Variants in ACOXL observed in about 807,000 individuals in gnomAD.
ACOXL encodes acyl-CoA oxidase like, also known as acyl-coenzyme A oxidase-like protein.
Under a neutral mutation model 71.9 loss-of-function variants are expected in ACOXL, and 70 were observed. The ratio of observed to expected loss-of-function variants is 0.97; its 90% CI spans 0.80 to 1.19. ACOXL has a LOEUF of 1.19. Ranked by LOEUF, ACOXL falls within the 50% of genes most tolerant of loss-of-function variation. ACOXL has a pLI of 0.00. For synonymous variants in ACOXL, 253 were observed against 281.6 expected (o/e 0.90, Z 1.02); for missense variants, 703 against 736.3 (o/e 0.95, Z 0.52).
chr2:110,940,646 T>G (rs1393106052), intron 12 of ACOXL, among the ~76,000 whole-genome samples: 1 of 152,224 alleles, frequency 6.6e-6, no homozygotes, highest in Admixed American at 6.5e-5. Context: ...CTGCTGCTCT[T>G]GAACTCCTCT....
chr2:110,838,776 A>C (rs955861793), intron 9 of ACOXL, among the ~76,000 whole-genome samples: 5 of 152,234 alleles, frequency 3.3e-5, no homozygotes, highest in African/African-American at 1.2e-4. Flanking sequence ...CCATGTTTCC[A>C]GAATGACTGT....
chr2:111,103,120 A>G (rs2069290735), intron 17 of ACOXL, among the ~76,000 whole-genome samples: 1 of 152,000 alleles, frequency 6.6e-6, no homozygotes, highest in African/African-American at 2.4e-5. Context: ...GTAAAACCCC[A>G]TCTCTACTGA....
intron 17 of ACOXL, chr2:111,113,086 G>T (rs61460742): frequency 6.6e-6 from 1 of 152,160 alleles, no homozygotes; most frequent in Non-Finnish European, 1.5e-5. Context: ...AGGGTCACAC[G>T]TCTGCCACAG....
chr2:110,826,235 G>C (rs1044077285), intron 9 of ACOXL, among the ~76,000 whole-genome samples: 1 of 152,120 alleles, frequency 6.6e-6, no homozygotes, highest in African/African-American at 2.4e-5. Flanking sequence ...AGCGCCCCTT[G>C]TTCACACACC....
chr2:110,853,091 C>T (rs534109356), intron 10 of ACOXL, among the ~76,000 whole-genome samples: 1 of 152,232 alleles, frequency 6.6e-6, no homozygotes, highest in Non-Finnish European at 1.5e-5. Flanking sequence ...TCCAGAGTGC[C>T]GGGCCTCGGG....
chr2:110,882,638 TC>T lies in ACOXL; in HGVS notation c.789-26149del, dbSNP rs570385001. 8.5e-5 allele frequency among the ~76,000 whole-genome samples: 13 copies of T among 152,342 alleles called. No individual in the cohort carries two copies. The East Asian group carries it at 2.5e-3, about 29-fold the overall frequency. ...CATTTAAGTTAATGGCTGATTTTTT[TC>T]CTTAATTTTTGCATATAGTGTAAGG... On this transcript the variant is annotated intron_variant, in intron 10 of 17. Transcript: ENST00000439055.
chr2:110,871,222 A>G (rs1695235932), intron 10 of ACOXL, among the ~76,000 whole-genome samples: 1 of 152,080 alleles, frequency 6.6e-6, no homozygotes, highest in Admixed American at 6.6e-5. Context: ...GGACAAGGCA[A>G]CCCATGGGGA....
intron 13 of ACOXL, among the ~76,000 whole-genome samples, chr2:110,993,752 G>C (rs1363986713): frequency 3.3e-5 from 5 of 152,182 alleles, no homozygotes. Flanking sequence ...CCATCAGCAA[G>C]CATGAGAGTT....
chr2:110,940,080 A>G (rs866748842), intron 12 of ACOXL, among the ~76,000 whole-genome samples: 3 of 152,356 alleles, frequency 2.0e-5, no homozygotes, highest in Admixed American at 6.5e-5. Flanking sequence ...ATTTACAAAG[A>G]CACATGTATG....
intron 9 of ACOXL, among the ~76,000 whole-genome samples, chr2:110,806,850 T>G (rs952055511): frequency 1.3e-5 from 2 of 152,040 alleles, no homozygotes; most frequent in Admixed American, 6.5e-5. Context: ...TGCAGGCTCA[T>G]TGGGGTCCAC....
chr2:110,789,722 T>A (rs1329457846), intron 3 of ACOXL, among the ~76,000 whole-genome samples: 1 of 152,220 alleles, frequency 6.6e-6, no homozygotes, highest in African/African-American at 2.4e-5. Context: ...ATATGAATTT[T>A]GGGAGGACAA....
intron 14 of ACOXL, among the ~76,000 whole-genome samples, chr2:111,026,465 T>C (rs1254430914): frequency 6.6e-6 from 1 of 150,728 alleles, no homozygotes; most frequent in Non-Finnish European, 1.5e-5. Context: ...TTCTGTGAAG[T>C]TTTTTTAGTT....
At chr2:110,947,800 C>A (rs1349934485) in intron 12 of ACOXL, among the ~76,000 whole-genome samples, 2 of 152,210 alleles carry the variant, frequency 1.3e-5, no homozygotes, top group African/African-American at 4.8e-5. Flanking sequence ...CTTGGGAGAG[C>A]TGGAACTCAA....
At chr2:110,842,559 T>C (rs1221764678) in intron 10 of ACOXL, among the ~76,000 whole-genome samples, 1 of 152,074 alleles carries the variant, frequency 6.6e-6, no homozygotes, top group Admixed American at 6.6e-5. Context: ...TTAATGTTAG[T>C]TTGATGGAGA....
rs755357415 is a variant in ACOXL, at chr2:111,031,711, C to T, written c.1366C>T (p.Arg456Ter). ...VASLSLAHTH[R>*]VTLEQFSLAV... The stretch of plus-strand genomic sequence containing the variant: ...TTCTCTGTCCCTGGCACACACTCAC[C>T]GAGGTCAGTTGGCTCCTGTTGAATA... The change falls in exon 15 of 18, where the codon CGA (arginine) becomes TGA (stop). Residue 456 changes from arginine to a stop codon, truncating the protein, a stop_gained. Transcript: ENST00000439055. LOFTEE classifies it high-confidence loss of function. The T allele has an allele frequency of 1.5e-5, 25 of 1,613,986 alleles. No homozygotes were observed. Among genetic ancestry groups the T allele is most frequent in the South Asian group, 3.3e-5 (3 of 91,080 alleles).
intron 16 of ACOXL, among the ~76,000 whole-genome samples, chr2:111,056,201 A>C: frequency 4.8e-5 from 1 of 20,624 alleles, no homozygotes; most frequent in African/African-American, 3.1e-4. Context: ...CCCCAACTTT[A>C]AAAAAAAAAA....
At chr2:110,771,579 G>T (rs1681938436) in intron 2 of ACOXL, among the ~76,000 whole-genome samples, 1 of 152,198 alleles carries the variant, frequency 6.6e-6, no homozygotes, top group Admixed American at 6.5e-5. Flanking sequence ...ATATTTCCAC[G>T]CTGTGTTTTC....
chr2:110,780,745 G>C (rs1683216974), intron 2 of ACOXL, among the ~76,000 whole-genome samples: 2 of 152,094 alleles, frequency 1.3e-5, no homozygotes, highest in African/African-American at 4.8e-5. Flanking sequence ...AAAAAGAAGT[G>C]TTAGGCTGGG....
chr2:110,932,058 C>A (rs185844741), intron 11 of ACOXL, among the ~76,000 whole-genome samples: 183 of 152,254 alleles, frequency 1.2e-3, no homozygotes, highest in South Asian at 1.4e-3. Flanking sequence ...TAAATGAATG[C>A]GGTGAGTACA....
Sources: allele counts gnomAD v4.1 joint callset (sites outside exome capture counted in the v4.1 genomes callset), GRCh38; gene constraint gnomAD v4.1.1; transcripts MANE v1.5; gene names NCBI Gene and HGNC (gene_info 2026-07-23, HGNC 2026-07-21).